ELAPOR2: variants seen among roughly 807,000 people sequenced by gnomAD.
The protein encoded by ELAPOR2 is endosome-lysosome associated apoptosis and autophagy regulator family member 2.
A neutral mutation model predicts 120.7 loss-of-function variants in ELAPOR2; 89 were observed. The observed-to-expected ratio is 0.74, with a 90% CI of 0.62 to 0.88. The LOEUF is 0.88. Among genes scored for constraint, ELAPOR2 ranks in the 40% least tolerant of loss-of-function variants. The pLI is 0.00. For missense variants in ELAPOR2, 1,134 were observed against 1,251.6 expected, an observed-to-expected ratio of 0.91 and a Z score of 1.42; for synonymous variants, 444 against 444.9, an observed-to-expected ratio of 1.00 and a Z score of 0.03.
intron 21 of ELAPOR2, among the ~76,000 whole-genome samples, chr7:86,889,863 T>A (rs960960487): frequency 5.3e-5 from 8 of 152,016 alleles, no homozygotes; most frequent in African/African-American, 1.7e-4. Flanking sequence ...ACAAGAAAGC[T>A]ATCTAGCTTT....
At chr7:86,941,528 A>G in intron 5 of ELAPOR2, 2 of 369,132 alleles carry the variant, frequency 5.4e-6, no homozygotes, top group Non-Finnish European at 1.1e-5. Context: ...AAATGGAGAC[A>G]GCACAGTACC....
chr7:87,013,521 A>G (rs899101996), intron 1 of ELAPOR2, among the ~76,000 whole-genome samples: 1 of 152,180 alleles, frequency 6.6e-6, no homozygotes, highest in African/African-American at 2.4e-5. Context: ...TGAGTGTTAG[A>G]TACCTAAAAG....
intron 18 of ELAPOR2, among the ~76,000 whole-genome samples, chr7:86,901,733 T>A (rs767073380): frequency 6.6e-6 from 1 of 152,208 alleles, no homozygotes; most frequent in Non-Finnish European, 1.5e-5. Flanking sequence ...TGCTTTCGCA[T>A]GGGGCTTTTG....
At chr7:86,896,839 TA>T (rs1277522756) in intron 19 of ELAPOR2, among the ~76,000 whole-genome samples, 1 of 152,144 alleles carries the variant, frequency 6.6e-6, no homozygotes, top group African/African-American at 2.4e-5. Flanking sequence ...AAATATCCAT[TA>T]TTTTTGGATT....
At chr7:87,022,701 T>G (rs1024055856) in intron 1 of ELAPOR2, among the ~76,000 whole-genome samples, 12 of 151,274 alleles carry the variant, frequency 7.9e-5, no homozygotes, top group Non-Finnish European at 1.5e-4. Flanking sequence ...ACCAACAGTG[T>G]AAAAGTGTTC....
intron 1 of ELAPOR2, among the ~76,000 whole-genome samples, chr7:87,009,745 C>A (rs751535781): frequency 6.6e-6 from 1 of 152,164 alleles, no homozygotes; most frequent in Non-Finnish European, 1.5e-5. Context: ...AAGGTAACCA[C>A]TGGTTGTCAA....
intron 16 of ELAPOR2, among the ~76,000 whole-genome samples, chr7:86,909,459 G>A (rs761314392): frequency 6.6e-6 from 1 of 151,996 alleles, no homozygotes; most frequent in Non-Finnish European, 1.5e-5. Flanking sequence ...GAAACTGGTG[G>A]CATATAAATA....
chr7:87,010,825 C>A (rs1469266540), intron 1 of ELAPOR2, among the ~76,000 whole-genome samples: 1 of 151,796 alleles, frequency 6.6e-6, no homozygotes, highest in Non-Finnish European at 1.5e-5. Flanking sequence ...GTTGAATCCA[C>A]AGATGTGCAG....
chr7:86,891,814 A>C lies in ELAPOR2; in HGVS notation c.2940T>G (p.Cys980Trp). 1 of 1,612,384 alleles carries C rather than the reference A, an allele frequency of 6.2e-7. No homozygotes were observed. The highest frequency in any genetic ancestry group is 8.5e-7 in the Non-Finnish European group (1 of 1,178,946). The change falls in exon 21 of 22, where the codon TGT (cysteine) becomes TGG (tryptophan). Residue 980 changes from cysteine (C) to tryptophan (W), a missense_variant. Physicochemically the swap from Cys to Trp is radical, Grantham distance 215. This residue lies in a region of ELAPOR2 where 831 missense variants were observed against 867.6 expected (regional missense o/e 0.96). Coordinates refer to ENST00000450689, the MANE Select transcript of ELAPOR2 (RefSeq NM_001142749.3). ...KECELPAADS[C>W]AIMEGEDNEE... is the part of the protein sequence containing the mutation. Reference sequence around the variant, plus strand: ...CATTATCTTCTCCTTCCATGATAGCACAACTGTCTGCAGCCGGGAGTTCAC... The same window carrying C: ...CATTATCTTCTCCTTCCATGATAGCCCAACTGTCTGCAGCCGGGAGTTCAC...
At chr7:86,893,254 G>C (rs563333728) in intron 19 of ELAPOR2, among the ~76,000 whole-genome samples, 154 bp from the exon 20 acceptor site, 2 of 152,022 alleles carry the variant, frequency 1.3e-5, no homozygotes, top group South Asian at 2.1e-4. Context: ...GGATTATTCA[G>C]CATTCATTTA....
At chr7:87,054,185 A>G (rs1055257042) in intron 1 of ELAPOR2, among the ~76,000 whole-genome samples, 2 of 152,254 alleles carry the variant, frequency 1.3e-5, no homozygotes, top group African/African-American at 4.8e-5. Flanking sequence ...AGAAAAGAAA[A>G]GCAACCAAAA....
At chr7:86,894,320 G>A (rs928802263) in intron 19 of ELAPOR2, among the ~76,000 whole-genome samples, 35 of 151,982 alleles carry the variant, frequency 2.3e-4, no homozygotes, top group African/African-American at 8.2e-4. Flanking sequence ...GGTAATGTGG[G>A]AAATGCTGAG....
chr7:86,930,551 T>G (rs1313736614), intron 8 of ELAPOR2, among the ~76,000 whole-genome samples: 1 of 151,972 alleles, frequency 6.6e-6, no homozygotes, highest in Non-Finnish European at 1.5e-5. Context: ...TTTGCAACAC[T>G]GAAGGTCATT....
At chr7:87,010,459 C>T (rs1298654219) in intron 1 of ELAPOR2, among the ~76,000 whole-genome samples, 1 of 152,178 alleles carries the variant, frequency 6.6e-6, no homozygotes, top group Non-Finnish European at 1.5e-5. Flanking sequence ...CAGAAAAAAA[C>T]AATGAATTCT....
At chr7:86,905,836 CAA>C (rs1358121085) in intron 18 of ELAPOR2, among the ~76,000 whole-genome samples, 8 of 152,232 alleles carry the variant, frequency 5.3e-5, no homozygotes, top group Admixed American at 3.9e-4. Flanking sequence ...ATAAACCTGG[CAA>C]AGATAGTTTA....
At position 86,897,752 on chromosome 7, in the gene ELAPOR2, A is replaced by G. The variant is rs1788512158; in HGVS notation, c.2559-120T>C. 4.4e-6 allele frequency: 5 copies of G among 1,135,610 alleles called. No individual in the cohort carries two copies. In the East Asian group the frequency reaches 1.2e-4, roughly 28 times the overall value. 70.3% of individuals were successfully genotyped at this position (1,135,610 alleles called of 1,614,324 possible). A position where few individuals can be genotyped will look rare whatever the true frequency, so the allele number is the denominator to read the frequency against. On this transcript the variant is annotated intron_variant, in intron 18 of 21. Transcript: ENST00000450689. Reference sequence around the variant, plus strand: ...GGGAGCACTGTGTGGATGCTGAAGAAACACAAGTGGAAAAAAGTCTAAAAG... The same window carrying G: ...GGGAGCACTGTGTGGATGCTGAAGAGACACAAGTGGAAAAAAGTCTAAAAG...
At position 86,944,921 on chromosome 7, in the gene ELAPOR2, T is replaced by G; in HGVS notation, c.632A>C (p.Asn211Thr). 1 of 1,547,188 alleles carries G rather than the reference T, an allele frequency of 6.5e-7. No homozygotes were observed. The highest frequency in any genetic ancestry group is 8.7e-7 in the Non-Finnish European group (1 of 1,145,818). Residue 211 changes from asparagine to threonine, a missense_variant, in exon 4 of 22, where the codon AAC becomes ACC. Coordinates refer to ENST00000450689, the MANE Select transcript of ELAPOR2 (RefSeq NM_001142749.3). ...TACAAAGAACTCAAAGAAGATGTTG[T>G]TGTCGACATACTGGTACTCAAAGAA... Reference protein sequence around the residue: ...YVFFEYQYVDNNIFFEFFIQN... With the variant: ...YVFFEYQYVDTNIFFEFFIQN...
chr7:86,939,462 C>G (rs1201209362), intron 6 of ELAPOR2, among the ~76,000 whole-genome samples: 1 of 151,986 alleles, frequency 6.6e-6, no homozygotes, highest in East Asian at 1.9e-4. Context: ...CATATTAAAA[C>G]GTAAGCCAAA....
chr7:87,057,022 T>C (rs927726760), intron 1 of ELAPOR2, among the ~76,000 whole-genome samples: 1 of 152,196 alleles, frequency 6.6e-6, no homozygotes, highest in African/African-American at 2.4e-5. Context: ...CTCACTCTGT[T>C]CCCCACTGCA....
Sources: allele counts gnomAD v4.1 joint callset (sites outside exome capture counted in the v4.1 genomes callset), GRCh38; gene constraint gnomAD v4.1.1; regional missense constraint gnomAD v4.1.1; transcripts MANE v1.5; gene names NCBI Gene and HGNC (gene_info 2026-07-23, HGNC 2026-07-21).